Variants in DYNC2H1 observed in about 807,000 individuals in gnomAD.
DYNC2H1 encodes the protein dynein cytoplasmic 2 heavy chain 1, also known as cytoplasmic dynein 2 heavy chain 1.
A neutral mutation model predicts 570.0 loss-of-function variants in DYNC2H1; 410 were observed. The ratio of observed to expected loss-of-function variants is 0.72; its 90% CI spans 0.66 to 0.78. The LOEUF (loss-of-function observed/expected upper bound fraction) is 0.78, where lower values mean the gene tolerates loss of function less well. Ranked by LOEUF, DYNC2H1 falls within the 30% of genes least tolerant of loss-of-function variation. The probability of loss-of-function intolerance (pLI) is 0.00; values close to 1 mark genes in which losing one functional copy is unlikely to be tolerated. For synonymous variants in DYNC2H1, 1,688 were observed against 1,677.6 expected, an observed-to-expected ratio of 1.01 and a Z score of -0.15; for missense variants, 4,865 against 5,046.4, an observed-to-expected ratio of 0.96 and a Z score of 1.09.
In DYNC2H1 at chr11:103,148,485, C is replaced by G; in HGVS notation, c.2819-5C>G. On this transcript the variant is annotated splice_region_variant and splice_polypyrimidine_tract_variant and intron_variant, in intron 19 of 88. Coordinates refer to ENST00000375735, the MANE Select transcript of DYNC2H1 (RefSeq NM_001377.3). Reference sequence around the variant, plus strand: ...CATTTCTTGTATTTCAATGTTACCACTCAGCTCATTTACATGAAATTGATA... The same window carrying G: ...CATTTCTTGTATTTCAATGTTACCAGTCAGCTCATTTACATGAAATTGATA... 6.4e-7 allele frequency: 1 copy of G among 1,555,560 alleles called. No homozygotes were observed.
rs780504712 is a variant in DYNC2H1 at position 103,231,284 on chromosome 11, A to G, written c.9378A>G (p.Arg3126=). 2.0e-5 allele frequency: 32 copies of G among 1,604,018 alleles called. No individual in the cohort carries two copies. The highest frequency in any genetic ancestry group is 2.7e-5 in the Non-Finnish European group (32 of 1,175,264). ...LESNLKKTED[R]KRKLEELLNS... is the part of the protein sequence containing the mutation. ...GGAATCTGAAGAAAACTGAAGACAG[A>G]AAAAGGAAACTAGAGGAGCTTCTTA... Residue 3126 remains arginine, a synonymous_variant, in exon 60 of 89, where the codon AGA becomes AGG. Transcript: ENST00000375735.
At chr11:103,250,184 A>C (rs961028076) in intron 65 of DYNC2H1, among the ~76,000 whole-genome samples, 2 of 151,998 alleles carry the variant, frequency 1.3e-5, no homozygotes, top group African/African-American at 4.8e-5. Context: ...AAATTATCAC[A>C]TAATATATAT....
Position 103,241,443 on chromosome 11 carries a change from T to C in DYNC2H1, c.9820-2250T>C. Reference sequence around the variant, plus strand: ...AATAAGATGACAACAAACTTTTAAGTACCCTTTGAAAAACTTAAGCATGTT... The same window carrying C: ...AATAAGATGACAACAAACTTTTAAGCACCCTTTGAAAAACTTAAGCATGTT... On this transcript the variant is annotated intron_variant, in intron 63 of 88. Transcript: ENST00000375735. This position sits in a 1 kb window ranked among gnomAD's most constrained non-coding sequence, Gnocchi z 5.1. 1.6e-6 allele frequency: 2 copies of C among 1,233,298 alleles called. No individual in the cohort carries two copies. Among genetic ancestry groups the C allele is most frequent in the Non-Finnish European group, 2.3e-6 (2 of 862,240 alleles). The allele number at this position is 1,233,298 out of a possible 1,614,324, so 76.4% of individuals were successfully genotyped here. A position where few individuals can be genotyped will look rare whatever the true frequency, so the allele number is the denominator to read the frequency against.
intron 17 of DYNC2H1, among the ~76,000 whole-genome samples, chr11:103,138,401 C>T (rs1188179036): frequency 6.6e-6 from 1 of 150,462 alleles, no homozygotes; most frequent in East Asian, 1.9e-4. Context: ...AGATACATCT[C>T]ATCAAGAGTT....
chr11:103,265,017 A>G (rs1027084975), intron 70 of DYNC2H1, among the ~76,000 whole-genome samples: 1 of 152,224 alleles, frequency 6.6e-6, no homozygotes, highest in Admixed American at 6.5e-5. Flanking sequence ...CAACTTCAGC[A>G]AAGTCTCAGG....
Position 103,147,707 on chromosome 11 carries a change from A to G in DYNC2H1, c.2703-65A>G, listed in dbSNP as rs1010309194. 10 of 917,888 alleles carry G rather than the reference A, an allele frequency of 1.1e-5. No individual in the cohort carries two copies. In the African/African-American group the frequency reaches 1.7e-4, roughly 15 times the overall value. The allele number at this position is 917,888 out of a possible 1,614,324, so 56.9% of individuals were successfully genotyped here. On this transcript the variant is annotated intron_variant, in intron 18 of 88. Coordinates refer to ENST00000375735, the MANE Select transcript of DYNC2H1 (RefSeq NM_001377.3). Reference sequence around the variant, plus strand: ...TATTACATGAAATCATTATAATATTATATGAGACTCTTTTCCTCTAATTAG... The same window carrying G: ...TATTACATGAAATCATTATAATATTGTATGAGACTCTTTTCCTCTAATTAG...
At chr11:103,188,699 A>G (rs1237523544) in intron 44 of DYNC2H1, 51 bp downstream of exon 44, 2 of 1,318,140 alleles carry the variant, frequency 1.5e-6, no homozygotes, top group Non-Finnish European at 2.0e-6. Context: ...TATCATATAT[A>G]AATGAATTTT....
chr11:103,415,869 T>C (rs1166857313), intron 84 of DYNC2H1, among the ~76,000 whole-genome samples: 2 of 152,228 alleles, frequency 1.3e-5, no homozygotes, highest in Non-Finnish European at 2.9e-5. Context: ...ATTGCTGCAC[T>C]ATTCACAATA....
intron 83 of DYNC2H1, among the ~76,000 whole-genome samples, chr11:103,371,686 A>G (rs947602196): frequency 2.6e-5 from 4 of 152,190 alleles, no homozygotes; most frequent in African/African-American, 7.2e-5. Flanking sequence ...TTACCCTAGA[A>G]TAGTATATGT....
In DYNC2H1 at chr11:103,234,844, C is replaced by G. The variant is rs1202731567; in HGVS notation, c.9567+684C>G. Reference sequence around the variant, plus strand: ...AAACCCAACATGTCTAAATTATTTTCTTTTTCTTATTCCAAGTCTCCTTTA... The same window carrying G: ...AAACCCAACATGTCTAAATTATTTTGTTTTTCTTATTCCAAGTCTCCTTTA... On this transcript the variant is annotated intron_variant, in intron 61 of 88. Coordinates refer to ENST00000375735, the MANE Select transcript of DYNC2H1 (RefSeq NM_001377.3). Among the ~76,000 whole-genome samples, 6 of 151,816 alleles carry G rather than the reference C, an allele frequency of 4.0e-5. No homozygotes were observed. The South Asian group carries it at 1.2e-3, about 31-fold the overall frequency.
In DYNC2H1 at chr11:103,203,866, A is replaced by G; in HGVS notation, c.8311+90A>G. 1.2e-6 allele frequency: 1 copy of G among 845,130 alleles called. No individual in the cohort carries two copies. The highest frequency in any genetic ancestry group is 1.8e-6 in the Non-Finnish European group (1 of 563,434). The allele number at this position is 845,130 out of a possible 1,614,324, so 52.4% of individuals were successfully genotyped here. A position where few individuals can be genotyped will look rare whatever the true frequency, so the allele number is the denominator to read the frequency against. On this transcript the variant is annotated intron_variant, in intron 51 of 88. Coordinates refer to ENST00000375735, the MANE Select transcript of DYNC2H1 (RefSeq NM_001377.3). This position sits in a 1 kb window ranked among gnomAD's most constrained non-coding sequence, Gnocchi z 4.7. ...TGCCTTATTTTGTCATTAGATTGCA[A>G]AGGTATCTTAAATCTTTTTTCTGGA...
chr11:103,154,429 A>G, intron 22 of DYNC2H1, 22 bp from the exon 23 acceptor site: 2 of 1,502,372 alleles, frequency 1.3e-6, no homozygotes, highest in Non-Finnish European at 1.8e-6. Flanking sequence ...AAAATTTAAT[A>G]TTTCAATATT....
intron 54 of DYNC2H1, among the ~76,000 whole-genome samples, chr11:103,214,837 T>C (rs539933396): frequency 6.6e-6 from 1 of 151,620 alleles, no homozygotes; most frequent in African/African-American, 2.4e-5. Flanking sequence ...ATTGGTATGC[T>C]GTGGTTTGCC....
At chr11:103,269,113 T>C (rs1276549457) in intron 70 of DYNC2H1, among the ~76,000 whole-genome samples, 2 of 152,184 alleles carry the variant, frequency 1.3e-5, no homozygotes, top group East Asian at 3.8e-4. Flanking sequence ...TCAATTGGGA[T>C]TTTTCATTGC....
rs750926908 is a variant in DYNC2H1 at position 103,188,612 on chromosome 11, C to T, written c.7256C>T (p.Thr2419Ile). 4.3e-6 allele frequency: 7 copies of T among 1,609,206 alleles called. No individual in the cohort carries two copies. In the Admixed American group the frequency reaches 1.0e-4, roughly 23 times the overall value. The change falls in exon 44 of 89, where the codon ACC becomes ATC. Residue 2419 changes from threonine to isoleucine, a missense_variant. By Grantham distance (89) the Thr-to-Ile change is moderately conservative. Transcript: ENST00000375735. ...AGACTGGGAAGACATAAACTTACTA[C>T]CAGATTTACTTCCATCGTTCGTCTT... is the stretch of plus-strand genomic sequence containing the variant. Reference protein sequence around the residue: ...GGRLGRHKLTTRFTSIVRLCS... With the variant: ...GGRLGRHKLTIRFTSIVRLCS...
intron 30 of DYNC2H1, among the ~76,000 whole-genome samples, 178 bp from the exon 31 acceptor site, chr11:103,165,720 C>T (rs1267142409): frequency 6.6e-6 from 1 of 152,066 alleles, no homozygotes; most frequent in Non-Finnish European, 1.5e-5. Context: ...GGCTGCATCA[C>T]ACAATACTTT....
chr11:103,403,906 C>T (rs1474021586), intron 84 of DYNC2H1: 1 of 151,868 alleles, frequency 6.6e-6, no homozygotes, highest in Non-Finnish European at 1.5e-5. Context: ...GGTTGTGAAC[C>T]TCATCTGTTA....
intron 88 of DYNC2H1, chr11:103,474,067 T>C (rs1348534563): frequency 8.3e-6 from 2 of 240,674 alleles, no homozygotes. Context: ...TAACATATTT[T>C]GTATGTTATT....
At chr11:103,179,908 C>T (rs772173444) in intron 39 of DYNC2H1, among the ~76,000 whole-genome samples, 4 of 151,370 alleles carry the variant, frequency 2.6e-5, no homozygotes, top group Admixed American at 6.6e-5. Context: ...TTTACTTTTC[C>T]AATTTTTATT....
Sources: gnomAD v4.1 joint callset for allele counts (sites outside exome capture counted in the v4.1 genomes callset) on GRCh38, gnomAD v4.1.1 for gene constraint, Gnocchi (gnomAD v3.1) non-coding constraint, MANE v1.5 for transcripts, NCBI Gene and HGNC (gene_info 2026-07-23, HGNC 2026-07-21) for gene names.